SLC36A1: variants seen among roughly 807,000 people sequenced by gnomAD.
The protein encoded by SLC36A1 is solute carrier family 36 member 1, also known as proton-coupled amino acid transporter 1.
In SLC36A1, 30 loss-of-function variants were observed where a neutral mutation model predicts 47.5. The observed-to-expected ratio is 0.63, with a 90% confidence interval of 0.47 to 0.86. The LOEUF is 0.86. Ranked by LOEUF, SLC36A1 falls within the 40% of genes least tolerant of loss-of-function variation. The pLI is 0.00. For synonymous variants in SLC36A1, 255 were observed against 249.7 expected (o/e 1.02, Z -0.20); for missense variants, 517 against 606.0 (o/e 0.85, Z 1.54).
the SLC36A1 span, among the ~76,000 whole-genome samples, chr5:151,367,374 T>TTTTTTTTTC: frequency 2.7e-5 from 4 of 145,530 alleles, no homozygotes; most frequent in African/African-American, 5.2e-5. Context: ...TTTTTTTTTT[T>TTTTTTTTTC]CCCCAGGGTA....
chr5:151,422,515 G>T, the SLC36A1 span, among the ~76,000 whole-genome samples: 5 of 152,134 alleles, frequency 3.3e-5, no homozygotes. Flanking sequence ...AGAGTATTCA[G>T]TCTTCCTTCA....
chr5:151,498,338 T>C, the SLC36A1 span, among the ~76,000 whole-genome samples: 2 of 152,162 alleles, frequency 1.3e-5, no homozygotes, highest in African/African-American at 4.8e-5. Flanking sequence ...TCAGTAGTAA[T>C]GGTAAAATAT....
chr5:151,511,869 AG>A, the SLC36A1 span: 1 of 411,684 alleles, frequency 2.4e-6, no homozygotes, highest in Non-Finnish European at 4.4e-6. Flanking sequence ...GACTGTGCAT[AG>A]ACCAGTGATG....
upstream of SLC36A1, among the ~76,000 whole-genome samples, chr5:151,445,818 G>A (rs1179033164): frequency 6.6e-6 from 1 of 152,044 alleles, no homozygotes; most frequent in East Asian, 1.9e-4. Context: ...TTTTATTTCT[G>A]AAGCTTCTGT....
chr5:151,382,255 C>T, the SLC36A1 span: 2 of 1,336,118 alleles, frequency 1.5e-6, no homozygotes, highest in Admixed American at 1.7e-5. Flanking sequence ...CACTACCAGC[C>T]TGGGAGCTAC....
At chr5:151,462,393 C>T (rs112378139) in intron 2 of SLC36A1, among the ~76,000 whole-genome samples, 3,470 of 149,908 alleles carry the variant, frequency 0.023, 140 homozygotes, top group African/African-American at 0.08. Flanking sequence ...TTGAGACAGT[C>T]TTGCTCTGTC....
At chr5:151,389,135 ACTGT>A in the SLC36A1 span, among the ~76,000 whole-genome samples, 1 of 152,138 alleles carries the variant, frequency 6.6e-6, no homozygotes, top group African/African-American at 2.4e-5. Context: ...GGTGGTTCTA[ACTGT>A]CTGGCCTGGT....
At chr5:151,537,175 A>G in the SLC36A1 span, among the ~76,000 whole-genome samples, 1 of 151,460 alleles carries the variant, frequency 6.6e-6, no homozygotes, top group Non-Finnish European at 1.5e-5. Context: ...AGAGAAATAC[A>G]GAAAGAAAGA....
chr5:151,497,567 C>T, the SLC36A1 span, among the ~76,000 whole-genome samples: 1 of 152,166 alleles, frequency 6.6e-6, no homozygotes, highest in African/African-American at 2.4e-5. Flanking sequence ...AAGCCATATG[C>T]ATAACTTCTA....
the SLC36A1 span, among the ~76,000 whole-genome samples, chr5:151,406,816 T>C: frequency 6.6e-6 from 1 of 152,292 alleles, no homozygotes; most frequent in East Asian, 1.9e-4. Context: ...TGGTTCCTTC[T>C]GGTGGGTTCT....
chr5:151,430,179 T>C, the SLC36A1 span, among the ~76,000 whole-genome samples: 1 of 150,936 alleles, frequency 6.6e-6, no homozygotes, highest in Non-Finnish European at 1.5e-5. Context: ...TTTTTTTTTT[T>C]TCTGAGACGG....
chr5:151,480,245 G>T, intron 10 of SLC36A1: 1 of 462,072 alleles, frequency 2.2e-6, no homozygotes, highest in Non-Finnish European at 3.7e-6. Flanking sequence ...AAATTCAAAT[G>T]CTTAAAAGCA....
At chr5:151,453,348 T>G (rs1293150624) in intron 1 of SLC36A1, among the ~76,000 whole-genome samples, 1 of 152,166 alleles carries the variant, frequency 6.6e-6, no homozygotes, top group Non-Finnish European at 1.5e-5. Context: ...CATTGCAATA[T>G]ATAATCAGTA....
At chr5:151,483,711 A>T (rs1759147754) in intron 10 of SLC36A1, among the ~76,000 whole-genome samples, 1 of 152,090 alleles carries the variant, frequency 6.6e-6, no homozygotes, top group African/African-American at 2.4e-5. Context: ...GTCATTTTCC[A>T]TGGTGGCAAA....
chr5:151,506,082 G>C, the SLC36A1 span: 1 of 1,523,274 alleles, frequency 6.6e-7, no homozygotes. Context: ...CCAGACCATG[G>C]CTCCGCCAGG....
the SLC36A1 span, among the ~76,000 whole-genome samples, chr5:151,416,037 C>T: frequency 1.3e-5 from 2 of 152,160 alleles, no homozygotes; most frequent in Non-Finnish European, 2.9e-5. Flanking sequence ...GCCCAGGAGG[C>T]GGAGGTTGCA....
the SLC36A1 span, among the ~76,000 whole-genome samples, chr5:151,547,181 G>A: frequency 6.5e-3 from 997 of 152,228 alleles, 10 homozygotes; most frequent in African/African-American, 0.023. Flanking sequence ...ATAAAAAGAA[G>A]TCAAAGAAAA....
chr5:151,347,340 T>G, the SLC36A1 span: 1 of 1,614,258 alleles, frequency 6.2e-7, no homozygotes, highest in African/African-American at 1.3e-5. Flanking sequence ...TCTGAAGGAC[T>G]TTCATCCAAG....
At chr5:151,552,362 C>T in the SLC36A1 span, among the ~76,000 whole-genome samples, 1 of 152,100 alleles carries the variant, frequency 6.6e-6, no homozygotes, top group African/African-American at 2.4e-5. Context: ...ACAAAACAGC[C>T]GTAAGCCAGA....
Sources: gnomAD v4.1 joint callset for allele counts (sites outside exome capture counted in the v4.1 genomes callset) on GRCh38, gnomAD v4.1.1 for gene constraint, MANE v1.5 for transcripts, NCBI Gene and HGNC (gene_info 2026-07-23, HGNC 2026-07-21) for gene names.